PRR16: variants seen among roughly 807,000 people sequenced by gnomAD.
The protein encoded by PRR16 is protein Largen.
Under a neutral mutation model 18.2 loss-of-function variants are expected in PRR16, and 6 were observed. That is an observed-to-expected ratio of 0.33 (90% confidence interval 0.18 to 0.65). The LOEUF (loss-of-function observed/expected upper bound fraction) is 0.65, where lower values mean the gene tolerates loss of function less well. PRR16 is among the 30% of genes least tolerant of loss of function. PRR16 has a pLI of 0.74. For missense variants in PRR16, 412 were observed against 376.6 expected (o/e 1.09, Z -0.78); for synonymous variants, 151 against 147.8 (o/e 1.02, Z -0.16).
At chr5:120,575,526 A>G (rs542303285) in intron 1 of PRR16, among the ~76,000 whole-genome samples, 2 of 152,296 alleles carry the variant, frequency 1.3e-5, no homozygotes, top group Admixed American at 1.3e-4. Flanking sequence ...TAAACATGGT[A>G]TGTCAGATCA....
chr5:120,522,264 T>C (rs915011411), intron 1 of PRR16, among the ~76,000 whole-genome samples: 1 of 152,216 alleles, frequency 6.6e-6, no homozygotes, highest in African/African-American at 2.4e-5. Flanking sequence ...TCCACAATGG[T>C]TGAACTAGTT....
At chr5:120,533,016 C>G (rs1638876352) in intron 1 of PRR16, among the ~76,000 whole-genome samples, 1 of 152,172 alleles carries the variant, frequency 6.6e-6, no homozygotes, top group Non-Finnish European at 1.5e-5. Context: ...TTATTGCTTC[C>G]TTGCTTTTGC....
intron 1 of PRR16, among the ~76,000 whole-genome samples, chr5:120,651,334 T>C (rs1404567038): frequency 1.3e-5 from 2 of 152,192 alleles, no homozygotes; most frequent in Admixed American, 1.3e-4. Flanking sequence ...TTAGTTTAAT[T>C]TGATCCCATT....
chr5:120,754,573 TA>T, the PRR16 span, among the ~76,000 whole-genome samples: 4 of 55,754 alleles, frequency 7.2e-5, no homozygotes, highest in South Asian at 5.5e-4. Flanking sequence ...ATAATATATT[TA>T]TATTTTATAT....
intron 1 of PRR16, among the ~76,000 whole-genome samples, chr5:120,540,443 G>A (rs757369916): frequency 2.1e-4 from 32 of 152,192 alleles, no homozygotes; most frequent in Non-Finnish European, 3.5e-4. Flanking sequence ...GGCCCTATGT[G>A]CCCTGGCCGG....
intron 1 of PRR16, among the ~76,000 whole-genome samples, chr5:120,678,630 A>T (rs1756880336): frequency 1.3e-5 from 2 of 152,182 alleles, no homozygotes; most frequent in South Asian, 2.1e-4. Flanking sequence ...ATCTACTAGT[A>T]GTTTTTTTAT....
intron 1 of PRR16, among the ~76,000 whole-genome samples, chr5:120,598,902 C>T (rs1753896797): frequency 6.6e-6 from 1 of 151,688 alleles, no homozygotes; most frequent in Admixed American, 6.6e-5. Context: ...ATTAAGTTAG[C>T]TTACTTTGTT....
intron 1 of PRR16, among the ~76,000 whole-genome samples, chr5:120,528,819 C>T (rs1449737698): frequency 6.6e-6 from 1 of 152,098 alleles, no homozygotes; most frequent in Admixed American, 6.5e-5. Context: ...TGGGGATGGA[C>T]ATACTGATGA....
At chr5:120,768,975 CA>C in the PRR16 span, among the ~76,000 whole-genome samples, 18 of 151,580 alleles carry the variant, frequency 1.2e-4, no homozygotes, top group Non-Finnish European at 2.1e-4. Context: ...ACAGTCTTAC[CA>C]AAATTTATAT....
At chr5:120,672,835 T>C (rs1756658333) in intron 1 of PRR16, among the ~76,000 whole-genome samples, 1 of 152,186 alleles carries the variant, frequency 6.6e-6, no homozygotes, top group African/African-American at 2.4e-5. Flanking sequence ...ATAGTTCCAT[T>C]ATCTTGAGTT....
chr5:120,565,285 G>A (rs935266829), intron 1 of PRR16, among the ~76,000 whole-genome samples: 1 of 152,070 alleles, frequency 6.6e-6, no homozygotes, highest in South Asian at 2.1e-4. Context: ...ATTTCTTTAT[G>A]TGTGATATAT....
chr5:120,630,407 GT>G (rs1472200640), intron 1 of PRR16, among the ~76,000 whole-genome samples: 5 of 151,976 alleles, frequency 3.3e-5, no homozygotes, highest in Non-Finnish European at 7.4e-5. Flanking sequence ...GGCTTGTAAG[GT>G]CATCCTAAGC....
the PRR16 span, among the ~76,000 whole-genome samples, chr5:120,779,849 G>A: frequency 1.7e-4 from 26 of 152,246 alleles, no homozygotes; most frequent in African/African-American, 5.1e-4. Context: ...GTGTATGACA[G>A]CTCTCCCATC....
the PRR16 span, among the ~76,000 whole-genome samples, chr5:120,709,414 A>G: frequency 3.3e-5 from 5 of 152,180 alleles, no homozygotes; most frequent in Non-Finnish European, 7.3e-5. Context: ...TTTTGATACA[A>G]GCTTACAATA....
At chr5:120,721,425 G>A in the PRR16 span, among the ~76,000 whole-genome samples, 1 of 151,884 alleles carries the variant, frequency 6.6e-6, no homozygotes, top group African/African-American at 2.4e-5. Flanking sequence ...TTCAAATAGC[G>A]GTATCATGTT....
At chr5:120,465,370 G>T (rs994063092) in intron 1 of PRR16, among the ~76,000 whole-genome samples, 10 of 152,228 alleles carry the variant, frequency 6.6e-5, no homozygotes, top group African/African-American at 2.2e-4. Context: ...AACCCGAGAA[G>T]CAGGACGCGC....
chr5:120,756,661 A>C, the PRR16 span, among the ~76,000 whole-genome samples: 1 of 151,700 alleles, frequency 6.6e-6, no homozygotes, highest in African/African-American at 2.4e-5. Flanking sequence ...TTAATTGTTT[A>C]AGTTCCTTAT....
chr5:120,638,405 T>C (rs1755312953), intron 1 of PRR16, among the ~76,000 whole-genome samples: 1 of 152,128 alleles, frequency 6.6e-6, no homozygotes, highest in Non-Finnish European at 1.5e-5. Context: ...TGAGCCATTT[T>C]TTGGAATTCA....
intron 1 of PRR16, among the ~76,000 whole-genome samples, chr5:120,592,239 A>G (rs1753661207): frequency 6.6e-6 from 1 of 152,192 alleles, no homozygotes; most frequent in African/African-American, 2.4e-5. Context: ...TCTTTCTAAC[A>G]TAAATTTCAG....
Sources: gnomAD v4.1 joint callset for allele counts (sites outside exome capture counted in the v4.1 genomes callset) on GRCh38, gnomAD v4.1.1 for gene constraint, MANE v1.5 for transcripts, NCBI Gene and HGNC (gene_info 2026-07-23, HGNC 2026-07-21) for gene names.